The following UBR4 variants were observed in gnomAD, a reference collection of about 807,000 sequenced individuals.
UBR4 encodes the protein ubiquitin protein ligase E3 component n-recognin 4.
UBR4 carries 124 observed loss-of-function variants against 575.6 expected under a neutral mutation model. The ratio of observed to expected loss-of-function variants is 0.22; its 90% CI spans 0.19 to 0.25. The LOEUF (loss-of-function observed/expected upper bound fraction) is 0.25, where lower values mean the gene tolerates loss of function less well. Among genes scored for constraint, UBR4 ranks in the 10% least tolerant of loss-of-function variants. The pLI, the probability that UBR4 is intolerant of heterozygous loss-of-function variation, is 1.00. For synonymous variants in UBR4, 2,455 were observed against 2,473.7 expected (o/e 0.99, Z 0.22); for missense variants, 4,818 against 6,478.8 (o/e 0.74, Z 8.80).
At chr1:19,195,114 A>T (rs907858941) in intron 8 of UBR4, among the ~76,000 whole-genome samples, 2 of 151,332 alleles carry the variant, frequency 1.3e-5, no homozygotes, top group Non-Finnish European at 2.9e-5. Flanking sequence ...CAAAAAAAAA[A>T]ATTAGCCGGG....
chr1:19,179,725 C>T (rs1392828058), intron 17 of UBR4, among the ~76,000 whole-genome samples: 1 of 152,230 alleles, frequency 6.6e-6, no homozygotes, highest in Non-Finnish European at 1.5e-5. Context: ...CAAGGCTGTT[C>T]TTCACCTCCA....
rs1571689058 is a variant in UBR4 at position 19,192,053 on chromosome 1, T to C, written c.1394+135A>G. 6.0e-6 allele frequency: 5 copies of C among 834,270 alleles called. No homozygotes were observed. The East Asian group carries it at 1.3e-4, about 22-fold the overall frequency. The allele number at this position is 834,270 out of a possible 1,614,324, so 51.7% of individuals were successfully genotyped here. On this transcript the variant is annotated intron_variant, in intron 11 of 105. Coordinates refer to ENST00000375254, the MANE Select transcript of UBR4 (RefSeq NM_020765.3). ...CTGTGGAGATAACAGGTCATGATCATTATCTTAGTTGCTAAATTCAAGCCA... is the reference window on the plus strand; with the variant it reads ...CTGTGGAGATAACAGGTCATGATCACTATCTTAGTTGCTAAATTCAAGCCA...
intron 21 of UBR4, 137 bp downstream of exon 21, chr1:19,174,817 T>C: frequency 2.5e-6 from 2 of 812,466 alleles, no homozygotes; most frequent in South Asian, 3.7e-5. Context: ...ATTTTCCTAT[T>C]AGAATAAGCT....
chr1:19,148,648 C>T (rs753706684), intron 49 of UBR4, 22 bp from the exon 50 acceptor site: 1 of 1,614,120 alleles, frequency 6.2e-7, no homozygotes, highest in East Asian at 2.2e-5. Flanking sequence ...GAAAACCTGG[C>T]TTGAGTACAA....
chr1:19,202,068 C>T (rs2092770853), intron 1 of UBR4, among the ~76,000 whole-genome samples: 1 of 152,036 alleles, frequency 6.6e-6, no homozygotes, highest in South Asian at 2.1e-4. Context: ...TGGCACGTGC[C>T]TATAGTCTCA....
At chr1:19,094,838 C>T (rs988463959) in intron 94 of UBR4, 68 bp downstream of exon 94, 1 of 1,587,516 alleles carries the variant, frequency 6.3e-7, no homozygotes, top group Non-Finnish European at 8.6e-7. Context: ...CACAAACAGG[C>T]CTGTTGTGGG....
At chr1:19,190,300 A>ATAAAAATAAAAAT (rs2091948271) in intron 11 of UBR4, among the ~76,000 whole-genome samples, 1 of 111,410 alleles carries the variant, frequency 9.0e-6, no homozygotes, top group African/African-American at 3.6e-5. Context: ...CTCAAAAAAA[A>ATAAAAATAAAAAT]AAAAAAAAAA....
chr1:19,171,552 C>T (rs1296737794), intron 25 of UBR4, among the ~76,000 whole-genome samples: 1 of 152,164 alleles, frequency 6.6e-6, no homozygotes, highest in South Asian at 2.1e-4. Context: ...CAGCATAAAG[C>T]CCACAGAGCT....
chr1:19,199,344 A>T (rs1405278584), intron 3 of UBR4, among the ~76,000 whole-genome samples: 1 of 152,194 alleles, frequency 6.6e-6, no homozygotes, highest in Non-Finnish European at 1.5e-5. Context: ...GTAAGTTTGC[A>T]ATCCTTGAGA....
At chr1:19,113,124 T>C (rs972334674) in intron 77 of UBR4, 4 of 450,012 alleles carry the variant, frequency 8.9e-6, no homozygotes, top group South Asian at 3.3e-5. Flanking sequence ...TTAACTCCCA[T>C]GTAACAAAGA....
rs1571339376 is a variant in UBR4 at position 19,165,849 on chromosome 1, T to G, written c.4110-92A>C. The G allele has an allele frequency of 2.6e-6, 3 of 1,170,642 alleles. No homozygotes were observed. In the East Asian group the frequency reaches 7.5e-5, roughly 29 times the overall value. The allele number at this position is 1,170,642 out of a possible 1,614,324, so 72.5% of individuals were successfully genotyped here. A position where few individuals can be genotyped will look rare whatever the true frequency, so the allele number is the denominator to read the frequency against. On this transcript the variant is annotated intron_variant, in intron 29 of 105. Coordinates refer to ENST00000375254, the MANE Select transcript of UBR4 (RefSeq NM_020765.3). ...TTTATTAAAATCCAAAGTTTGTCTG[T>G]TTGACCTTGAGGGCAATGTCTAATT...
intron 17 of UBR4, among the ~76,000 whole-genome samples, chr1:19,180,258 A>G (rs773830052): frequency 6.6e-6 from 1 of 152,012 alleles, no homozygotes; most frequent in Non-Finnish European, 1.5e-5. Context: ...GCACGATCTC[A>G]GCTCACTGCA....
intron 49 of UBR4, 98 bp downstream of exon 49, chr1:19,150,479 G>C: frequency 7.3e-7 from 1 of 1,367,608 alleles, no homozygotes; most frequent in Non-Finnish European, 1.0e-6. Context: ...GGCTAGCCTT[G>C]AGATGGTTAT....
At chr1:19,127,547 C>T (rs754854476) in intron 63 of UBR4, 76 bp downstream of exon 63, 97 of 1,124,660 alleles carry the variant, frequency 8.6e-5, no homozygotes, top group Non-Finnish European at 1.2e-4. Flanking sequence ...AGGACTACCA[C>T]CTCTGTGCTG....
Position 19,077,966 on chromosome 1 carries a change from G to A in UBR4, c.15324+10C>T. The A allele has an allele frequency of 6.2e-7, 1 of 1,613,954 alleles. No homozygotes were observed. Among genetic ancestry groups the A allele is most frequent in the Non-Finnish European group, 8.5e-7 (1 of 1,179,868 alleles). The stretch of plus-strand genomic sequence containing the variant: ...GCCAAAACCCACTGGGCCTCTGACA[G>A]CCTCCTTACCTTAAACATGTTGTAA... On this transcript the variant is annotated intron_variant, in intron 104 of 105. Coordinates refer to ENST00000375254, the MANE Select transcript of UBR4 (RefSeq NM_020765.3).
intron 39 of UBR4, among the ~76,000 whole-genome samples, 160 bp downstream of exon 39, chr1:19,159,951 A>G (rs1052354473): frequency 6.6e-6 from 1 of 151,644 alleles, no homozygotes; most frequent in African/African-American, 2.4e-5. Flanking sequence ...ACTGTTCATA[A>G]TATGTTCTGG....
Position 19,087,836 on chromosome 1 carries a change from T to G in UBR4, c.14524A>C (p.Arg4842=). Residue 4842 remains arginine, a synonymous_variant, in exon 99 of 106, where the codon AGG becomes CGG. Transcript: ENST00000375254. ...TGTACCTGGAACTTGTATCCCTCCCTGCAGATGCAGCACGTGAGGCCAGGC... is the reference window on the plus strand; with the variant it reads ...TGTACCTGGAACTTGTATCCCTCCCGGCAGATGCAGCACGTGAGGCCAGGC... ...EEPGLTCCIC[R]EGYKFQPTKV... The G allele has an allele frequency of 6.2e-7, 1 of 1,610,818 alleles. No homozygotes were observed. The highest frequency in any genetic ancestry group is 1.1e-5 in the South Asian group (1 of 90,366).
chr1:19,171,011 C>T, intron 25 of UBR4, 128 bp from the exon 26 acceptor site: 1 of 1,253,552 alleles, frequency 8.0e-7, no homozygotes, highest in Non-Finnish European at 1.1e-6. Flanking sequence ...TTGATAGTGC[C>T]TGCCCCTTCC....
At chr1:19,168,248 G>C in intron 27 of UBR4, 64 bp from the exon 28 acceptor site, 1 of 1,414,416 alleles carries the variant, frequency 7.1e-7, no homozygotes, top group Non-Finnish European at 9.4e-7. Context: ...TTCTCACATG[G>C]AAAAAAAAAC....
Sources: allele counts gnomAD v4.1 joint callset (sites outside exome capture counted in the v4.1 genomes callset), GRCh38; gene constraint gnomAD v4.1.1; transcripts MANE v1.5; gene names NCBI Gene and HGNC (gene_info 2026-07-23, HGNC 2026-07-21).